The following FAHD2B variants were observed in gnomAD, a reference collection of about 807,000 sequenced individuals.
FAHD2B encodes fumarylacetoacetate hydrolase domain containing 2B, also known as oxaloacetate tautomerase FAHD2B, mitochondrial.
FAHD2B carries 26 observed loss-of-function variants against 33.7 expected under a neutral mutation model. The observed-to-expected ratio is 0.77, with a 90% CI of 0.57 to 1.07. The LOEUF is 1.07. FAHD2B is among the 50% of genes least tolerant of loss of function. FAHD2B has a pLI of 0.00. For synonymous variants in FAHD2B, 108 were observed against 150.9 expected (o/e 0.72, Z 2.08); for missense variants, 272 against 388.1 (o/e 0.70, Z 2.51).
downstream of FAHD2B, chr2:97,082,203 A>G (rs1440182992): frequency 1.0e-5 from 16 of 1,530,030 alleles, no homozygotes; most frequent in Non-Finnish European, 1.4e-5. Flanking sequence ...CAGCTCAGCC[A>G]GCAGTCACAC....
chr2:97,084,432 GTA>G (rs1238598912), intron 6 of FAHD2B, among the ~76,000 whole-genome samples, 155 bp from the exon 7 acceptor site: 5 of 152,042 alleles, frequency 3.3e-5, no homozygotes, highest in African/African-American at 1.2e-4. Context: ...AGAACTTTCT[GTA>G]TAGACACTGG....
At chr2:97,089,941 A>G (rs1426148444) in intron 4 of FAHD2B, 168 bp downstream of exon 4, 43 of 615,216 alleles carry the variant, frequency 7.0e-5, no homozygotes, top group Non-Finnish European at 1.2e-4. Flanking sequence ...AAACACGTAC[A>G]TTAACTTTTT....
chr2:97,084,968 G>T (rs2924050), intron 6 of FAHD2B, among the ~76,000 whole-genome samples: 1 of 152,064 alleles, frequency 6.6e-6, no homozygotes, highest in Non-Finnish European at 1.5e-5. Context: ...GGTTCTAGCC[G>T]GGACAGAGAA....
chr2:97,085,850 G>A lies in FAHD2B; in HGVS notation c.534C>T (p.Ala178=), dbSNP rs1128346. 23 of 1,613,756 alleles carry A rather than the reference G, an allele frequency of 1.4e-5. No individual in the cohort carries two copies. The highest frequency in any genetic ancestry group is 4.5e-5 in the East Asian group (2 of 44,896). ...KKGKHIKATD[A]MAHVAGFTVA... ...CAGTGAAGCCGGCCACGTGGGCCAT[G>A]GCATCTGTGGCCTATGGGGGCAGGG... The change falls in exon 6 of 9, where the codon GCC becomes GCT. Residue 178 remains alanine (A), a synonymous_variant. Coordinates refer to ENST00000414820, the MANE Select transcript of FAHD2B (RefSeq NM_001320848.2).
At chr2:97,089,069 C>T (rs923770571) in intron 4 of FAHD2B, among the ~76,000 whole-genome samples, 3 of 151,636 alleles carry the variant, frequency 2.0e-5, no homozygotes, top group Non-Finnish European at 2.9e-5. Context: ...TAAAAATTTG[C>T]GAGGAAAAGT....
chr2:97,084,083 G>A, intron 7 of FAHD2B, 48 bp from the exon 8 acceptor site: 1 of 1,613,032 alleles, frequency 6.2e-7, no homozygotes, highest in East Asian at 2.2e-5. Flanking sequence ...TGGCTGAGTG[G>A]CCACAGCCAA....
chr2:97,082,592 C>T, downstream of FAHD2B: 1 of 1,574,632 alleles, frequency 6.4e-7, no homozygotes, highest in South Asian at 1.1e-5. Context: ...GTCTTCTGTC[C>T]AGTCTGAGTT....
chr2:97,090,566 T>C (rs1373138215), intron 3 of FAHD2B, among the ~76,000 whole-genome samples: 3 of 152,134 alleles, frequency 2.0e-5, no homozygotes, highest in Non-Finnish European at 4.4e-5. Context: ...ATGTAAAAGA[T>C]ACAAACTGGA....
At chr2:97,083,283 G>A, downstream of FAHD2B, 1 of 1,601,818 alleles carries the variant, frequency 6.2e-7, no homozygotes, top group South Asian at 1.1e-5. Flanking sequence ...AGCCTGTGCT[G>A]AGACTTCTCA....
chr2:97,082,347 G>C, downstream of FAHD2B: 2 of 1,607,786 alleles, frequency 1.2e-6, no homozygotes, highest in Non-Finnish European at 1.7e-6. Context: ...CAGTCCTCGA[G>C]GCAGGCTGTG....
chr2:97,083,832 G>T lies in FAHD2B; in HGVS notation c.883-15C>A. Reference sequence around the variant, plus strand: ...TCATCCCCCTTCTGCAACAGAGCAGGCCATGACGGTGTCAGCCCTTCCGTC... The same window carrying T: ...TCATCCCCCTTCTGCAACAGAGCAGTCCATGACGGTGTCAGCCCTTCCGTC... On this transcript the variant is annotated splice_polypyrimidine_tract_variant and intron_variant, in intron 8 of 8. Coordinates refer to ENST00000414820, the MANE Select transcript of FAHD2B (RefSeq NM_001320848.2). 1 of 1,614,066 alleles carries T rather than the reference G, an allele frequency of 6.2e-7. No individual in the cohort carries two copies. Among genetic ancestry groups the T allele is most frequent in the South Asian group, 1.1e-5 (1 of 90,996 alleles).
intron 4 of FAHD2B, chr2:97,086,987 A>C (rs2032029055): frequency 6.6e-6 from 1 of 152,154 alleles, no homozygotes; most frequent in Admixed American, 6.6e-5. Flanking sequence ...GATTACAACC[A>C]ATTGAATAAA....
intron 6 of FAHD2B, among the ~76,000 whole-genome samples, chr2:97,085,104 T>C (rs1441347123): frequency 2.6e-5 from 4 of 151,974 alleles, no homozygotes; most frequent in African/African-American, 9.7e-5. Context: ...TGAAACACAA[T>C]TTAACTTTGC....
At chr2:97,079,003 G>A (rs1233356322), downstream of FAHD2B, among the ~76,000 whole-genome samples, 1 of 152,078 alleles carries the variant, frequency 6.6e-6, no homozygotes, top group Non-Finnish European at 1.5e-5. Context: ...TTATAAGTAA[G>A]AACATGTGGT....
In FAHD2B at chr2:97,083,584, G is replaced by A; in HGVS notation, c.*171C>T. ...GAAGACAAACAGCACAAGCCAAGCTGCTGCTTTGACCCGACGCATTTATTG... is the reference window on the plus strand; with the variant it reads ...GAAGACAAACAGCACAAGCCAAGCTACTGCTTTGACCCGACGCATTTATTG... On this transcript the variant is annotated 3_prime_UTR_variant, in exon 9 of 9. Coordinates refer to ENST00000414820, the MANE Select transcript of FAHD2B (RefSeq NM_001320848.2). 8.6e-7 allele frequency: 1 copy of A among 1,157,174 alleles called. No individual in the cohort carries two copies. The highest frequency in any genetic ancestry group is 1.2e-6 in the Non-Finnish European group (1 of 826,874). The allele number at this position is 1,157,174 out of a possible 1,614,324, so 71.7% of individuals were successfully genotyped here.
downstream of FAHD2B, chr2:97,082,580 C>G (rs1399519920): frequency 1.9e-6 from 3 of 1,578,068 alleles, no homozygotes; most frequent in Admixed American, 1.7e-5. Flanking sequence ...AGAGTACAGA[C>G]AGTCTTCTGT....
intron 4 of FAHD2B, among the ~76,000 whole-genome samples, chr2:97,088,428 G>A (rs1271064): frequency 0.56 from 85,402 of 151,874 alleles, 29,701 homozygotes; most frequent in Non-Finnish European, 0.79. Context: ...AGATCTGATA[G>A]TTTTAAAAAC....
downstream of FAHD2B, among the ~76,000 whole-genome samples, chr2:97,079,043 G>C (rs1479430257): frequency 5.9e-5 from 9 of 151,798 alleles, no homozygotes; most frequent in African/African-American, 1.7e-4. Context: ...TCCTGCATTA[G>C]TTTGCTAAGG....
At chr2:97,088,304 AACTTGTAGC>A (rs1294485753) in intron 4 of FAHD2B, among the ~76,000 whole-genome samples, 1 of 151,966 alleles carries the variant, frequency 6.6e-6, no homozygotes, top group Non-Finnish European at 1.5e-5. Flanking sequence ...CCCAAATCTC[AACTTGTAGC>A]ACCCATAATT....
Sources: allele counts gnomAD v4.1 joint callset (sites outside exome capture counted in the v4.1 genomes callset), GRCh38; gene constraint gnomAD v4.1.1; transcripts MANE v1.5; gene names NCBI Gene and HGNC (gene_info 2026-07-23, HGNC 2026-07-21).